The following PREX1 variants were observed in gnomAD, a reference collection of about 807,000 sequenced individuals.
PREX1 encodes phosphatidylinositol-3,4,5-trisphosphate dependent Rac exchange factor 1, also known as phosphatidylinositol 3,4,5-trisphosphate-dependent Rac exchanger 1 protein.
In PREX1, 41 loss-of-function variants were observed where a neutral mutation model predicts 198.3. The observed-to-expected ratio is 0.21, with a 90% CI of 0.16 to 0.27. The LOEUF is 0.27. PREX1 is among the 10% of genes least tolerant of loss of function. The probability of loss-of-function intolerance (pLI) is 1.00; values close to 1 mark genes in which losing one functional copy is unlikely to be tolerated. For synonymous variants in PREX1, 843 were observed against 887.2 expected (o/e 0.95, Z 0.89); for missense variants, 1,620 against 2,200.7 (o/e 0.74, Z 5.28).
At position 48,625,743 on chromosome 20, in the gene PREX1, AGGCAGGGAGGACGCTG is replaced by A; in HGVS notation, c.*126_*141del. On this transcript the variant is annotated 3_prime_UTR_variant, in exon 40 of 40. Transcript: ENST00000371941. ...GGGTGGCCAGGCTTGTCCCGGAAGGAGGCAGGGAGGACGCTGGGCAGGTCCCGGAACGGGCGGCTGC... is the reference window on the plus strand; with the variant it reads ...GGGTGGCCAGGCTTGTCCCGGAAGGAGGCAGGTCCCGGAACGGGCGGCTGC... The A allele has an allele frequency of 9.8e-7, 1 of 1,022,772 alleles. No homozygotes were observed. Among genetic ancestry groups the A allele is most frequent in the Non-Finnish European group, 1.4e-6 (1 of 726,374 alleles). The allele number at this position is 1,022,772 out of a possible 1,614,324, so 63.4% of individuals were successfully genotyped here. A position where few individuals can be genotyped will look rare whatever the true frequency, so the allele number is the denominator to read the frequency against.
chr20:48,642,353 C>A, intron 28 of PREX1, 54 bp downstream of exon 28: 1 of 1,603,298 alleles, frequency 6.2e-7, no homozygotes, highest in Non-Finnish European at 8.5e-7. Context: ...GGGCCCTCCC[C>A]AGGTGTGACA....
the PREX1 span, among the ~76,000 whole-genome samples, chr20:48,835,380 C>T: frequency 1.3e-5 from 2 of 152,096 alleles, no homozygotes; most frequent in African/African-American, 2.4e-5. Flanking sequence ...GTTCTAGGGA[C>T]AGAAGAGACA....
At chr20:48,651,707 G>A (rs774358253) in intron 21 of PREX1, 124 bp from the exon 22 acceptor site, 92 of 889,816 alleles carry the variant, frequency 1.0e-4, no homozygotes, top group Non-Finnish European at 1.5e-4. Flanking sequence ...CCCAGGGCAG[G>A]AGTACATTCC....
chr20:48,644,210 G>A (rs112188854), intron 27 of PREX1, among the ~76,000 whole-genome samples, 199 bp downstream of exon 27: 2,085 of 152,276 alleles, frequency 0.014, 51 homozygotes, highest in African/African-American at 0.048. Context: ...TTTCGCTGCC[G>A]CATTCCCAGT....
intron 7 of PREX1, among the ~76,000 whole-genome samples, chr20:48,694,877 G>T (rs189725904): frequency 2.0e-5 from 3 of 152,288 alleles, no homozygotes; most frequent in Admixed American, 2.0e-4. Flanking sequence ...TGTGTCTGCC[G>T]GTGGAGAAGG....
At chr20:48,646,675 CA>C (rs552888256) in intron 25 of PREX1, among the ~76,000 whole-genome samples, 20,993 of 82,364 alleles carry the variant, frequency 0.25, 1,437 homozygotes, top group Middle Eastern at 0.43. Flanking sequence ...GAACCCATCT[CA>C]AAAAAAAAAA....
Position 48,661,556 on chromosome 20 carries a change from T to TACAC in PREX1, c.1739-1499_1739-1496dup, listed in dbSNP as rs374276217. The stretch of plus-strand genomic sequence containing the variant: ...GTGTGTGTGTGTGTATATATATATA[T>TACAC]ACACACACACACACACACTGACCCC... On this transcript the variant is annotated intron_variant, in intron 15 of 39. Transcript: ENST00000371941. Among the ~76,000 whole-genome samples, 361 of 127,868 alleles carry TACAC rather than the reference T, an allele frequency of 2.8e-3. 4 individuals carry two copies. The highest frequency in any genetic ancestry group is 8.7e-3 in the African/African-American group (296 of 34,018). The allele number at this position is 127,868 out of a possible 152,430, so 83.9% of individuals were successfully genotyped here. A position where few individuals can be genotyped will look rare whatever the true frequency, so the allele number is the denominator to read the frequency against.
Position 48,639,821 on chromosome 20 carries a change from C to G in PREX1, c.3849G>C (p.Trp1283Cys). ...GGGTCTTGATGGAGTTGGGGAGGTT[C>G]CAGGGGTCCTCCTGGATGCTAATCT... Reference protein sequence around the residue: ...LIQISIQEDPWNLPNSIKTLV... With the variant: ...LIQISIQEDPCNLPNSIKTLV... Residue 1283 changes from tryptophan (W) to cysteine (C), a missense_variant, in exon 30 of 40, where the codon TGG (tryptophan) becomes TGC (cysteine). By Grantham distance (215) the Trp-to-Cys change is radical (BLOSUM62 -2). Around this residue, in one of 7 missense-constraint regions of PREX1, gnomAD observed 476 missense variants for 603.4 expected, o/e 0.79. Transcript: ENST00000371941. 3 of 1,614,088 alleles carry G rather than the reference C, an allele frequency of 1.9e-6. No homozygotes were observed. Among genetic ancestry groups the G allele is most frequent in the Non-Finnish European group, 8.5e-7 (1 of 1,179,994 alleles).
intron 4 of PREX1, among the ~76,000 whole-genome samples, chr20:48,730,478 G>A (rs2090030327): frequency 6.6e-6 from 1 of 151,330 alleles, no homozygotes; most frequent in Non-Finnish European, 1.5e-5. Context: ...GTTCATAGAC[G>A]ATGCTAGAAT....
At chr20:48,730,258 C>A (rs1240770193) in intron 4 of PREX1, among the ~76,000 whole-genome samples, 1 of 152,142 alleles carries the variant, frequency 6.6e-6, no homozygotes, top group East Asian at 1.9e-4. Context: ...TTTCACCATG[C>A]AAATTAGCTT....
At chr20:48,717,169 T>A (rs2089965730) in intron 5 of PREX1, among the ~76,000 whole-genome samples, 4 of 152,154 alleles carry the variant, frequency 2.6e-5, no homozygotes, top group Admixed American at 2.0e-4. Flanking sequence ...ATACCCACCA[T>A]TCTCTGTGAC....
chr20:48,697,142 T>C (rs1273298603), intron 7 of PREX1, among the ~76,000 whole-genome samples: 4 of 152,158 alleles, frequency 2.6e-5, no homozygotes, highest in African/African-American at 4.8e-5. Flanking sequence ...GGGCTATGTG[T>C]GAGACACCCA....
chr20:48,771,532 G>C (rs561489562), intron 1 of PREX1, among the ~76,000 whole-genome samples: 98 of 152,208 alleles, frequency 6.4e-4, no homozygotes, highest in African/African-American at 2.2e-3. Context: ...AACACTTTGG[G>C]AGGCCGAGGC....
At chr20:48,829,569 T>TA (rs2090531068), upstream of PREX1, among the ~76,000 whole-genome samples, 1 of 152,222 alleles carries the variant, frequency 6.6e-6, no homozygotes, top group Non-Finnish European at 1.5e-5. Flanking sequence ...GGACATGAGA[T>TA]AGGTGAGCCT....
At chr20:48,736,170 C>T (rs117993690) in intron 3 of PREX1, among the ~76,000 whole-genome samples, 263 of 152,194 alleles carry the variant, frequency 1.7e-3, no homozygotes, top group Middle Eastern at 3.4e-3. Context: ...ACTTCAATAC[C>T]ACACAATACT....
chr20:48,839,529 A>C, the PREX1 span, among the ~76,000 whole-genome samples: 1 of 152,126 alleles, frequency 6.6e-6, no homozygotes, highest in African/African-American at 2.4e-5. Flanking sequence ...TACCTTTTTC[A>C]CTCAACATCC....
intron 1 of PREX1, among the ~76,000 whole-genome samples, chr20:48,813,826 C>T (rs2090447300): frequency 6.6e-6 from 1 of 152,202 alleles, no homozygotes; most frequent in Non-Finnish European, 1.5e-5. Context: ...GCCAGGTATA[C>T]ACACAAAATA....
intron 33 of PREX1, 69 bp downstream of exon 33, chr20:48,634,607 C>T (rs2089346955): frequency 1.3e-6 from 2 of 1,510,916 alleles, no homozygotes; most frequent in Non-Finnish European, 1.8e-6. Flanking sequence ...GACAGGGTGA[C>T]CCCAGAGAGC....
rs1568848721 is a variant in PREX1 at position 48,747,003 on chromosome 20, CA to C, written c.291+805del. 6.7e-4 allele frequency among the ~76,000 whole-genome samples: 79 copies of C among 118,304 alleles called. 3 individuals carry two copies. In the East Asian group the frequency reaches 8.7e-3, roughly 13 times the overall value. The allele number at this position is 118,304 out of a possible 152,430, so 77.6% of individuals were successfully genotyped here. ...ACACACACACACACACACACACACA[CA>C]CACACACCCCACCCCCAGGAGGAGC... On this transcript the variant is annotated intron_variant, in intron 2 of 39. Coordinates refer to ENST00000371941, the MANE Select transcript of PREX1 (RefSeq NM_020820.4).
Sources: allele counts gnomAD v4.1 joint callset (sites outside exome capture counted in the v4.1 genomes callset), GRCh38; gene constraint gnomAD v4.1.1; regional missense constraint gnomAD v4.1.1; transcripts MANE v1.5; gene names NCBI Gene and HGNC (gene_info 2026-07-23, HGNC 2026-07-21).